ZNF675: variants seen among roughly 807,000 people sequenced by gnomAD.
ZNF675 encodes the protein zinc finger protein 675.
A neutral mutation model predicts 56.1 loss-of-function variants in ZNF675; 36 were observed. The ratio of observed to expected loss-of-function variants is 0.64; its 90% CI spans 0.49 to 0.85. The LOEUF is 0.85. Ranked by LOEUF, ZNF675 falls within the 40% of genes least tolerant of loss-of-function variation. The probability of loss-of-function intolerance (pLI) is 0.00; values close to 1 mark genes in which losing one functional copy is unlikely to be tolerated. For synonymous variants in ZNF675, 200 were observed against 218.9 expected, an observed-to-expected ratio of 0.91 and a Z score of 0.76; for missense variants, 663 against 654.2, an observed-to-expected ratio of 1.01 and a Z score of -0.15.
In ZNF675 at chr19:23,687,179, A is replaced by G. The variant is rs901601995; in HGVS notation, c.-146T>C. ...GGAGCTCCGGCTGCAGCGAGAGACA[A>G]AGGCGCCGCCAAATCCCGGAAGCCA... On this transcript the variant is annotated 5_prime_UTR_variant, in exon 1 of 4. Coordinates refer to ENST00000359788, the MANE Select transcript of ZNF675 (RefSeq NM_138330.3). 2.0e-6 allele frequency: 2 copies of G among 988,652 alleles called. No homozygotes were observed. The highest frequency in any genetic ancestry group is 3.1e-6 in the Non-Finnish European group (2 of 643,272). 61.2% of individuals were successfully genotyped at this position (988,652 alleles called of 1,614,324 possible).
chr19:23,654,446 T>A lies in ZNF675; in HGVS notation c.487A>T (p.Lys163Ter). ...GGTTTATTTTCCATATGTTTTATCT[T>A]ATGTCTATCTGAATGTGAAAATTTA... is the stretch of plus-strand genomic sequence containing the variant. ...FNKFSHSDRH[K>*]IKHMENKPFK... The change falls in exon 4 of 4, where the codon AAG becomes TAG. Residue 163 changes from lysine to a stop codon, truncating the protein, a stop_gained. Transcript: ENST00000359788. LOFTEE classifies it high-confidence loss of function. 1 of 1,606,094 alleles carries A rather than the reference T, an allele frequency of 6.2e-7. No homozygotes were observed. The highest frequency in any genetic ancestry group is 1.1e-5 in the South Asian group (1 of 89,640).
chr19:23,678,076 G>A (rs1318348922), intron 1 of ZNF675, among the ~76,000 whole-genome samples: 4 of 150,146 alleles, frequency 2.7e-5, no homozygotes, highest in Non-Finnish European at 4.4e-5. Context: ...AACCAAGATC[G>A]TGCCATTGCA....
chr19:23,665,557 G>A (rs1178635162), intron 1 of ZNF675, among the ~76,000 whole-genome samples: 3 of 151,762 alleles, frequency 2.0e-5, no homozygotes, highest in Non-Finnish European at 4.4e-5. Context: ...GTGCAGTGGC[G>A]TGATCTCGAC....
intron 1 of ZNF675, among the ~76,000 whole-genome samples, chr19:23,669,098 T>A (rs902789588): frequency 6.6e-6 from 1 of 152,148 alleles, no homozygotes; most frequent in African/African-American, 2.4e-5. Context: ...CTCAAGACCT[T>A]TTCCTTTTCT....
chr19:23,657,660 T>C (rs1210166495), intron 3 of ZNF675, among the ~76,000 whole-genome samples: 2 of 152,152 alleles, frequency 1.3e-5, no homozygotes, highest in Non-Finnish European at 2.9e-5. Context: ...GAGGTTGCAG[T>C]GGGCGGAGAT....
intron 1 of ZNF675, among the ~76,000 whole-genome samples, chr19:23,667,867 A>G (rs1483608298): frequency 6.7e-6 from 1 of 149,550 alleles, no homozygotes; most frequent in African/African-American, 2.5e-5. Flanking sequence ...AGCTAGACAC[A>G]GGGTGCTGAT....
intron 3 of ZNF675, among the ~76,000 whole-genome samples, chr19:23,660,075 A>C (rs548495727): frequency 1.3e-5 from 2 of 151,170 alleles, no homozygotes; most frequent in South Asian, 4.2e-4. Context: ...ACAGAGCAAA[A>C]TCCTCTGCCA....
chr19:23,685,412 A>C (rs1192838425), intron 1 of ZNF675, among the ~76,000 whole-genome samples: 2 of 152,250 alleles, frequency 1.3e-5, no homozygotes, highest in Non-Finnish European at 2.9e-5. Context: ...ACACTCGAGC[A>C]GACATAGCCA....
At chr19:23,681,155 G>T (rs1234812426) in intron 1 of ZNF675, among the ~76,000 whole-genome samples, 1 of 151,764 alleles carries the variant, frequency 6.6e-6, no homozygotes, top group African/African-American at 2.4e-5. Context: ...CAAAACCCTA[G>T]GATGGTGGAG....
chr19:23,654,354 ATTTC>A lies in ZNF675; in HGVS notation c.575_578del (p.Arg192IlefsTer5), dbSNP rs746285338. 129 of 1,612,290 alleles carry A rather than the reference ATTTC, an allele frequency of 8.0e-5. 1 individual carries two copies. Among genetic ancestry groups the A allele is most frequent in the Non-Finnish European group, 7.6e-6 (9 of 1,179,318 alleles). On this transcript the variant is annotated frameshift_variant, in exon 4 of 4. Coordinates refer to ENST00000359788, the MANE Select transcript of ZNF675 (RefSeq NM_138330.3). LOFTEE classifies it high-confidence loss of function. Reference sequence around the variant, plus strand: ...ATTTGCAGAAATTCACCTTGGTATAATTTCTTTCATGTCGAGTTAGGTGTGAAAG... The same window carrying A: ...ATTTGCAGAAATTCACCTTGGTATAATTTCATGTCGAGTTAGGTGTGAAAG...
At chr19:23,684,413 GA>G (rs895340189) in intron 1 of ZNF675, among the ~76,000 whole-genome samples, 1 of 152,118 alleles carries the variant, frequency 6.6e-6, no homozygotes, top group African/African-American at 2.4e-5. Flanking sequence ...GGGAGGCCAA[GA>G]GGGGCGGATC....
At position 23,653,339 on chromosome 19, in the gene ZNF675, CA is replaced by C. The variant is rs1253813880; in HGVS notation, c.1593del (p.Gly532GlufsTer60). 3 of 1,613,704 alleles carry C rather than the reference CA, an allele frequency of 1.9e-6. No individual in the cohort carries two copies. The highest frequency in any genetic ancestry group is 2.5e-6 in the Non-Finnish European group (3 of 1,179,962). On this transcript the variant is annotated frameshift_variant, in exon 4 of 4. Transcript: ENST00000359788. LOFTEE classifies it high-confidence loss of function. ...CTCTCACATTTATAGGGTTTCTCTC[CA>C]GTATGAATTATCTTATGTTCAGTAA... Reference protein sequence around the residue: ...SKLTEHKIIHTGEKPYKCERC... With the variant: ...SKLTEHKIIHXGEKPYKCERC...
At chr19:23,666,236 C>G (rs1300901993) in intron 1 of ZNF675, among the ~76,000 whole-genome samples, 4 of 152,246 alleles carry the variant, frequency 2.6e-5, no homozygotes. Flanking sequence ...CACAACCATT[C>G]AGACTGATTG....
intron 1 of ZNF675, among the ~76,000 whole-genome samples, chr19:23,666,461 C>T (rs1425097796): frequency 6.6e-6 from 1 of 152,210 alleles, no homozygotes; most frequent in African/African-American, 2.4e-5. Context: ...AATGGGAAAC[C>T]TCTAGGGGAT....
chr19:23,667,155 G>A (rs1968162920), intron 1 of ZNF675, among the ~76,000 whole-genome samples: 1 of 151,978 alleles, frequency 6.6e-6, no homozygotes, highest in African/African-American at 2.4e-5. Flanking sequence ...GACCTTCGCG[G>A]TGAGTGTTAC....
chr19:23,659,103 T>C (rs2144924398), intron 3 of ZNF675, among the ~76,000 whole-genome samples: 1 of 151,900 alleles, frequency 6.6e-6, no homozygotes, highest in South Asian at 2.1e-4. Flanking sequence ...ATTATTTAGA[T>C]ACAGGCTGGA....
intron 1 of ZNF675, among the ~76,000 whole-genome samples, chr19:23,674,195 CTCTA>C (rs1333632555): frequency 6.6e-6 from 1 of 151,604 alleles, no homozygotes; most frequent in Non-Finnish European, 1.5e-5. Flanking sequence ...AAGAGCAAAA[CTCTA>C]TCTCACAAAT....
At chr19:23,684,447 C>T (rs1038754555) in intron 1 of ZNF675, among the ~76,000 whole-genome samples, 22 of 151,728 alleles carry the variant, frequency 1.4e-4, no homozygotes, top group Admixed American at 4.6e-4. Context: ...GAGTTTGAGA[C>T]AAGCCTGGCC....
intron 1 of ZNF675, among the ~76,000 whole-genome samples, chr19:23,664,307 CAT>C (rs1968120855): frequency 1.3e-5 from 2 of 152,162 alleles, no homozygotes; most frequent in Admixed American, 6.5e-5. Context: ...ATCAGCACCA[CAT>C]GTTTACCTGG....
Sources: allele counts gnomAD v4.1 joint callset (sites outside exome capture counted in the v4.1 genomes callset), GRCh38; gene constraint gnomAD v4.1.1; transcripts MANE v1.5; gene names NCBI Gene and HGNC (gene_info 2026-07-23, HGNC 2026-07-21).